Variants in SESTD1 observed in about 807,000 individuals in gnomAD.
SESTD1 encodes the protein SEC14 and spectrin domain containing 1.
A neutral mutation model predicts 101.7 loss-of-function variants in SESTD1; 43 were observed. The ratio of observed to expected loss-of-function variants is 0.42; its 90% CI spans 0.33 to 0.55. The LOEUF (loss-of-function observed/expected upper bound fraction) is 0.55. Ranked by LOEUF, SESTD1 falls within the 20% of genes least tolerant of loss-of-function variation. The pLI is 0.07. For synonymous variants in SESTD1, 283 were observed against 286.8 expected (o/e 0.99, Z 0.13); for missense variants, 647 against 815.1 (o/e 0.79, Z 2.51).
At chr2:179,129,589 T>C (rs2044961887) in intron 10 of SESTD1, among the ~76,000 whole-genome samples, 1 of 152,196 alleles carries the variant, frequency 6.6e-6, no homozygotes, top group African/African-American at 2.4e-5. Flanking sequence ...ATATATGACA[T>C]TGAGCTGGTA....
chr2:179,152,448 A>C (rs2045549595), intron 5 of SESTD1, among the ~76,000 whole-genome samples: 1 of 152,236 alleles, frequency 6.6e-6, no homozygotes. Context: ...ACTATATGCT[A>C]AAGTATGAAT....
At chr2:179,182,409 G>A (rs1460827123) in intron 3 of SESTD1, among the ~76,000 whole-genome samples, 7 of 152,098 alleles carry the variant, frequency 4.6e-5, no homozygotes, top group Non-Finnish European at 8.8e-5. Context: ...AATTGGATCA[G>A]AATCTCTGGA....
chr2:179,197,880 A>G (rs1296681196), intron 1 of SESTD1, among the ~76,000 whole-genome samples: 1 of 152,094 alleles, frequency 6.6e-6, no homozygotes, highest in African/African-American at 2.4e-5. Flanking sequence ...GACCATCGAG[A>G]CTAGGAAAAA....
At chr2:179,223,164 AC>A (rs2046837764) in intron 1 of SESTD1, among the ~76,000 whole-genome samples, 1 of 152,164 alleles carries the variant, frequency 6.6e-6, no homozygotes, top group Non-Finnish European at 1.5e-5. Flanking sequence ...TAGAAAACAT[AC>A]TAAGTGAAAA....
intron 1 of SESTD1, among the ~76,000 whole-genome samples, chr2:179,232,113 G>C (rs2046997286): frequency 6.6e-6 from 1 of 151,772 alleles, no homozygotes; most frequent in Non-Finnish European, 1.5e-5. Flanking sequence ...ACACATATTA[G>C]GTAATTTAAA....
intron 3 of SESTD1, among the ~76,000 whole-genome samples, chr2:179,180,211 C>T (rs1423944673): frequency 2.0e-5 from 3 of 152,166 alleles, no homozygotes; most frequent in Non-Finnish European, 4.4e-5. Context: ...ATGTATCACA[C>T]TTTGTCCCTG....
chr2:179,215,941 C>T (rs2046714462), intron 1 of SESTD1, among the ~76,000 whole-genome samples: 1 of 134,956 alleles, frequency 7.4e-6, no homozygotes, highest in Admixed American at 7.2e-5. Context: ...AATTCAGTAG[C>T]CCTTTATGCT....
At chr2:179,141,791 T>C (rs921214209) in intron 9 of SESTD1, among the ~76,000 whole-genome samples, 3 of 152,210 alleles carry the variant, frequency 2.0e-5, no homozygotes, top group Admixed American at 1.3e-4. Context: ...ACTGCTCTGC[T>C]ACTCTATCTT....
Position 179,207,606 on chromosome 2 carries a change from C to A in SESTD1, c.-25-15740G>T, listed in dbSNP as rs1376109610. On this transcript the variant is annotated intron_variant, in intron 1 of 17. Coordinates refer to ENST00000428443, the MANE Select transcript of SESTD1 (RefSeq NM_178123.5). ...CAGCACCAGCCTGGAGCCTGGTAAC[C>A]CCAATGGGTGGCTAGACTTAGAAGG... 1.5e-5 allele frequency among the ~76,000 whole-genome samples: 2 copies of A among 134,588 alleles called. 1 individual carries two copies. The highest frequency in any genetic ancestry group is 3.2e-5 in the Non-Finnish European group (2 of 62,672). 88.3% of individuals were successfully genotyped at this position (134,588 alleles called of 152,430 possible). A position where few individuals can be genotyped will look rare whatever the true frequency, so the allele number is the denominator to read the frequency against.
At chr2:179,244,920 T>C (rs2047207731) in intron 1 of SESTD1, among the ~76,000 whole-genome samples, 1 of 152,232 alleles carries the variant, frequency 6.6e-6, no homozygotes. Flanking sequence ...GTAAGACTTC[T>C]ACACTTCACT....
intron 1 of SESTD1, among the ~76,000 whole-genome samples, chr2:179,195,428 C>A (rs1483718790): frequency 2.0e-5 from 3 of 152,224 alleles, no homozygotes; most frequent in African/African-American, 4.8e-5. Flanking sequence ...CCCAGCCATG[C>A]AGAACTGTGA....
intron 10 of SESTD1, among the ~76,000 whole-genome samples, chr2:179,126,339 C>T (rs911470282): frequency 6.6e-6 from 1 of 152,192 alleles, no homozygotes; most frequent in African/African-American, 2.4e-5. Flanking sequence ...CAACAAACAG[C>T]TGCATTTGGC....
intron 1 of SESTD1, among the ~76,000 whole-genome samples, chr2:179,259,419 G>A (rs12618724): frequency 0.024 from 3,718 of 152,062 alleles, 147 homozygotes; most frequent in African/African-American, 0.081. Context: ...TAGTAGAGAC[G>A]GGGTTTCACC....
At position 179,131,494 on chromosome 2, in the gene SESTD1, T is replaced by A. The variant is rs561538408; in HGVS notation, c.972+810A>T. Among the ~76,000 whole-genome samples, 22 of 152,290 alleles carry A rather than the reference T, an allele frequency of 1.4e-4. 1 individual carries two copies. Among genetic ancestry groups the A allele is most frequent in the African/African-American group, 5.3e-4 (22 of 41,558 alleles). On this transcript the variant is annotated intron_variant, in intron 10 of 17. Transcript: ENST00000428443. ...AGTTTAACATTTTGACCACCTTTTTTAAGACAACCTAAGGAGAAGGGAATT... is the reference window on the plus strand; with the variant it reads ...AGTTTAACATTTTGACCACCTTTTTAAAGACAACCTAAGGAGAAGGGAATT...
intron 16 of SESTD1, 71 bp downstream of exon 16, chr2:179,114,994 C>A: frequency 1.5e-6 from 2 of 1,316,614 alleles, no homozygotes; most frequent in South Asian, 1.4e-5. Context: ...AGTTACATTA[C>A]TAAAATTAAC....
At chr2:179,219,223 G>T (rs1473252153) in intron 1 of SESTD1, among the ~76,000 whole-genome samples, 1 of 152,156 alleles carries the variant, frequency 6.6e-6, no homozygotes, top group East Asian at 1.9e-4. Flanking sequence ...AAACAGAATT[G>T]CAGGCCTTTT....
chr2:179,146,902 G>GGGGT, intron 7 of SESTD1, among the ~76,000 whole-genome samples: 1 of 116,480 alleles, frequency 8.6e-6, no homozygotes, highest in East Asian at 2.2e-4. Context: ...TTATATTCCA[G>GGGGT]GGGTGTGTGT....
At position 179,108,190 on chromosome 2, in the gene SESTD1, G is replaced by C. The variant is rs1031175426; in HGVS notation, c.*1709C>G. On this transcript the variant is annotated 3_prime_UTR_variant, in exon 18 of 18. Coordinates refer to ENST00000428443, the MANE Select transcript of SESTD1 (RefSeq NM_178123.5). ...ATTGGTATAAAATAAAAACTCTAAG[G>C]ATGAGATACCGAGAAAAGAGCCAAA... 6.6e-6 allele frequency: 1 copy of C among 152,260 alleles called. No homozygotes were observed. The highest frequency in any genetic ancestry group is 1.5e-5 in the Non-Finnish European group (1 of 68,012). The allele number at this position is 152,260 out of a possible 1,614,324, so 9.4% of individuals were successfully genotyped here. A position where few individuals can be genotyped will look rare whatever the true frequency, so the allele number is the denominator to read the frequency against.
chr2:179,120,632 C>CTA (rs1489193804), intron 13 of SESTD1, among the ~76,000 whole-genome samples: 2 of 152,162 alleles, frequency 1.3e-5, no homozygotes, highest in Admixed American at 6.5e-5. Context: ...CAAGTCAAGA[C>CTA]TAAAAGTATT....
Sources: gnomAD v4.1 joint callset for allele counts (sites outside exome capture counted in the v4.1 genomes callset) on GRCh38, gnomAD v4.1.1 for gene constraint, MANE v1.5 for transcripts, NCBI Gene and HGNC (gene_info 2026-07-23, HGNC 2026-07-21) for gene names.